SSR1: variants seen among roughly 807,000 people sequenced by gnomAD.
SSR1 encodes the protein translocon-associated protein subunit alpha.
A neutral mutation model predicts 36.1 loss-of-function variants in SSR1; 13 were observed. The ratio of observed to expected loss-of-function variants is 0.36; its 90% CI spans 0.23 to 0.57. SSR1 has a LOEUF of 0.57. Ranked by LOEUF, SSR1 falls within the 20% of genes least tolerant of loss-of-function variation. SSR1 has a pLI of 0.81. For synonymous variants in SSR1, 113 were observed against 118.9 expected, an observed-to-expected ratio of 0.95 and a Z score of 0.32; for missense variants, 291 against 338.5, an observed-to-expected ratio of 0.86 and a Z score of 1.10.
At chr6:7,300,908 G>C (rs1184225030) in intron 4 of SSR1, among the ~76,000 whole-genome samples, 1 of 152,214 alleles carries the variant, frequency 6.6e-6, no homozygotes, top group Non-Finnish European at 1.5e-5. Flanking sequence ...TTCCCAAAGT[G>C]CTGAGATTAC....
chr6:7,304,633 GATAC>G (rs1758011216), intron 2 of SSR1, among the ~76,000 whole-genome samples: 1 of 152,162 alleles, frequency 6.6e-6, no homozygotes, highest in Non-Finnish European at 1.5e-5. Flanking sequence ...TGAATTTTAT[GATAC>G]ATAAACTGTA....
At chr6:7,305,116 G>A (rs1055409859) in intron 2 of SSR1, among the ~76,000 whole-genome samples, 1 of 152,174 alleles carries the variant, frequency 6.6e-6, no homozygotes, top group African/African-American at 2.4e-5. Flanking sequence ...CAGGAACAGG[G>A]TATATTTCAG....
intron 1 of SSR1, among the ~76,000 whole-genome samples, chr6:7,310,535 T>G (rs1205652823): frequency 2.0e-5 from 3 of 152,186 alleles, no homozygotes; most frequent in African/African-American, 7.2e-5. Flanking sequence ...AAAATAATTT[T>G]TTGCAAAGAT....
intron 6 of SSR1, chr6:7,297,089 C>T (rs780307750): frequency 1.6e-4 from 52 of 324,266 alleles, no homozygotes; most frequent in South Asian, 1.1e-3. Flanking sequence ...GGTGTGGTGG[C>T]GTGCACCTGT....
chr6:7,300,828 A>T (rs1201988323), intron 4 of SSR1, among the ~76,000 whole-genome samples: 1 of 152,114 alleles, frequency 6.6e-6, no homozygotes, highest in Non-Finnish European at 1.5e-5. Context: ...TTTTTAGTAG[A>T]GACAGGGTTT....
intron 7 of SSR1, among the ~76,000 whole-genome samples, chr6:7,294,829 T>C (rs956705341): frequency 2.6e-5 from 4 of 152,204 alleles, no homozygotes; most frequent in Non-Finnish European, 2.9e-5. Context: ...TGTCCTACAA[T>C]TGAAGAAACA....
rs906890350 is a variant in SSR1 at position 7,286,472 on chromosome 6, A to G, written c.*3392T>C. The G allele has an allele frequency of 6.6e-6, 1 of 152,238 alleles. No individual in the cohort carries two copies. The highest frequency in any genetic ancestry group is 2.4e-5 in the African/African-American group (1 of 41,450). 9.4% of individuals were successfully genotyped at this position (152,238 alleles called of 1,614,324 possible). A position where few individuals can be genotyped will look rare whatever the true frequency, so the allele number is the denominator to read the frequency against. ...ACAGATTAACTTAACAACGAAACCTAACATTCCACCAGTAAGAATCTTGTT... is the reference window on the plus strand; with the variant it reads ...ACAGATTAACTTAACAACGAAACCTGACATTCCACCAGTAAGAATCTTGTT... On this transcript the variant is annotated 3_prime_UTR_variant, in exon 8 of 8. Transcript: ENST00000244763.
intron 3 of SSR1, among the ~76,000 whole-genome samples, chr6:7,303,080 A>G (rs1379344724): frequency 2.2e-5 from 3 of 139,156 alleles, no homozygotes; most frequent in Admixed American, 7.7e-5. Context: ...CGGAGGTTGC[A>G]GTGAGCCGAG....
intron 7 of SSR1, chr6:7,295,144 A>C (rs1309791866): frequency 6.6e-7 from 1 of 1,511,054 alleles, no homozygotes; most frequent in Non-Finnish European, 8.8e-7. Context: ...TGGATTAGGA[A>C]CACAGAAAAT....
intron 2 of SSR1, among the ~76,000 whole-genome samples, chr6:7,308,977 T>C (rs957695440): frequency 6.6e-6 from 1 of 152,230 alleles, no homozygotes; most frequent in African/African-American, 2.4e-5. Context: ...ATTTCTACTA[T>C]GTTGTTACCC....
chr6:7,294,291 A>G (rs1757744005), intron 7 of SSR1, among the ~76,000 whole-genome samples: 1 of 152,250 alleles, frequency 6.6e-6, no homozygotes. Flanking sequence ...CTGAAGTTGT[A>G]GACAGCATGA....
rs141948747 is a variant in SSR1, at chr6:7,301,660, C to T, written c.281-88G>A. The T allele has an allele frequency of 4.4e-6, 6 of 1,372,276 alleles. No homozygotes were observed. The East Asian group carries it at 1.4e-4, about 32-fold the overall frequency. The allele number at this position is 1,372,276 out of a possible 1,614,324, so 85.0% of individuals were successfully genotyped here. On this transcript the variant is annotated intron_variant, in intron 3 of 7. Transcript: ENST00000244763. Reference sequence around the variant, plus strand: ...AGGCATTACTAATGGATTCTGGCACCCTTTCCTGTGGACTTTGGTGTCAGA... The same window carrying T: ...AGGCATTACTAATGGATTCTGGCACTCTTTCCTGTGGACTTTGGTGTCAGA...
chr6:7,287,372 C>T lies in SSR1; in HGVS notation c.*2492G>A, dbSNP rs1397177203. Reference sequence around the variant, plus strand: ...ATCAAAATCACATTTTCTGAAGGTACTTGAAGTTAAAAACCTTATTACTAT... The same window carrying T: ...ATCAAAATCACATTTTCTGAAGGTATTTGAAGTTAAAAACCTTATTACTAT... On this transcript the variant is annotated 3_prime_UTR_variant, in exon 8 of 8. Coordinates refer to ENST00000244763, the MANE Select transcript of SSR1 (RefSeq NM_003144.5). 2.0e-5 allele frequency: 3 copies of T among 152,166 alleles called. No homozygotes were observed. Among genetic ancestry groups the T allele is most frequent in the Non-Finnish European group, 4.4e-5 (3 of 68,038 alleles). The allele number at this position is 152,166 out of a possible 1,614,324, so 9.4% of individuals were successfully genotyped here. A position where few individuals can be genotyped will look rare whatever the true frequency, so the allele number is the denominator to read the frequency against.
Position 7,281,360 on chromosome 6 carries a change from C to T in SSR1, c.*8504G>A, listed in dbSNP as rs561071020. On this transcript the variant is annotated 3_prime_UTR_variant, in exon 8 of 8. Coordinates refer to ENST00000244763, the MANE Select transcript of SSR1 (RefSeq NM_003144.5). The stretch of plus-strand genomic sequence containing the variant: ...AGAATTTTAAGGATTCATGACCCCA[C>T]TTTCATTAAATAGTCCCAGAAGATA... 2 of 152,346 alleles carry T rather than the reference C, an allele frequency of 1.3e-5. No individual in the cohort carries two copies. Among genetic ancestry groups the T allele is most frequent in the South Asian group, 4.1e-4 (2 of 4,830 alleles). 9.4% of individuals were successfully genotyped at this position (152,346 alleles called of 1,614,324 possible).
At chr6:7,293,580 T>G (rs1757729499) in intron 7 of SSR1, among the ~76,000 whole-genome samples, 1 of 152,088 alleles carries the variant, frequency 6.6e-6, no homozygotes, top group Non-Finnish European at 1.5e-5. Flanking sequence ...CACATGTATT[T>G]TTTTTTCATT....
intron 4 of SSR1, among the ~76,000 whole-genome samples, chr6:7,299,427 G>A (rs1046848106): frequency 3.3e-5 from 5 of 152,136 alleles, no homozygotes; most frequent in East Asian, 1.9e-4. Flanking sequence ...TGCCGGGTGC[G>A]GTGGCTCACA....
intron 1 of SSR1, among the ~76,000 whole-genome samples, chr6:7,310,924 T>A (rs1004555364): frequency 1.7e-4 from 26 of 152,022 alleles, no homozygotes; most frequent in South Asian, 4.1e-4. Flanking sequence ...AAAATAAAAA[T>A]AAAAAAATAA....
At chr6:7,305,629 A>T (rs1383072795) in intron 2 of SSR1, among the ~76,000 whole-genome samples, 1 of 152,270 alleles carries the variant, frequency 6.6e-6, no homozygotes, top group Non-Finnish European at 1.5e-5. Flanking sequence ...ATGTAACAAA[A>T]TTCCGCAGGA....
intron 6 of SSR1, 45 bp from the exon 7 acceptor site, chr6:7,295,530 A>T: frequency 7.5e-7 from 1 of 1,328,604 alleles, no homozygotes. Flanking sequence ...CCGTTACACC[A>T]TTTACTTAAT....
Sources: gnomAD v4.1 joint callset for allele counts (sites outside exome capture counted in the v4.1 genomes callset) on GRCh38, gnomAD v4.1.1 for gene constraint, MANE v1.5 for transcripts, NCBI Gene and HGNC (gene_info 2026-07-23, HGNC 2026-07-21) for gene names.